DCC: variants seen among roughly 807,000 people sequenced by gnomAD.
DCC encodes the protein netrin receptor DCC.
DCC carries 58 observed loss-of-function variants against 172.5 expected under a neutral mutation model. That is an observed-to-expected ratio of 0.34 (90% CI 0.27 to 0.42). DCC has a LOEUF of 0.42. Among genes scored for constraint, DCC ranks in the 10% least tolerant of loss-of-function variants. The probability of loss-of-function intolerance (pLI) is 1.00; values close to 1 mark genes in which losing one functional copy is unlikely to be tolerated. For missense variants in DCC, 1,740 were observed against 1,791.0 expected (o/e 0.97, Z 0.51); for synonymous variants, 709 against 644.5 (o/e 1.10, Z -1.52).
chr18:52,867,589 C>G (rs1410807181), intron 2 of DCC, among the ~76,000 whole-genome samples: 1 of 151,754 alleles, frequency 6.6e-6, no homozygotes, highest in East Asian at 1.9e-4. Flanking sequence ...AGTGATTTGA[C>G]TTTTTCCTGG....
intron 1 of DCC, among the ~76,000 whole-genome samples, chr18:52,503,402 T>C (rs1032483039): frequency 3.3e-5 from 5 of 152,158 alleles, no homozygotes; most frequent in Non-Finnish European, 5.9e-5. Context: ...AAGTAGTCTA[T>C]TTGTTGTGCT....
intron 7 of DCC, among the ~76,000 whole-genome samples, chr18:53,156,266 C>A (rs1157774043): frequency 6.6e-6 from 1 of 152,224 alleles, no homozygotes; most frequent in African/African-American, 2.4e-5. Flanking sequence ...GGGTGGATCA[C>A]TTGAGGTCAG....
At chr18:53,358,611 T>G (rs4940254) in intron 15 of DCC, among the ~76,000 whole-genome samples, 1 of 148,286 alleles carries the variant, frequency 6.7e-6, no homozygotes, top group Non-Finnish European at 1.5e-5. Flanking sequence ...ACCTCTGCCT[T>G]CCAGGTTCAA....
intron 18 of DCC, among the ~76,000 whole-genome samples, chr18:53,401,117 G>C (rs1266243144): frequency 6.6e-6 from 1 of 152,034 alleles, no homozygotes. Context: ...TGTCTTTTTA[G>C]TATTTTGCCA....
At chr18:52,922,006 T>C (rs1190061250) in intron 3 of DCC, among the ~76,000 whole-genome samples, 1 of 152,100 alleles carries the variant, frequency 6.6e-6, no homozygotes, top group Non-Finnish European at 1.5e-5. Context: ...TCAGGAAATT[T>C]ATTATTAAGC....
At chr18:52,488,224 T>C (rs1042215639) in intron 1 of DCC, among the ~76,000 whole-genome samples, 3 of 152,208 alleles carry the variant, frequency 2.0e-5, no homozygotes, top group Admixed American at 6.5e-5. Context: ...TGATTAGCTA[T>C]GTTTCTTAAA....
intron 5 of DCC, among the ~76,000 whole-genome samples, chr18:52,999,912 A>C (rs2041538070): frequency 6.6e-6 from 1 of 152,048 alleles, no homozygotes; most frequent in South Asian, 2.1e-4. Context: ...TAGGCCTTTA[A>C]TACTGGTGTC....
At chr18:52,801,357 A>G (rs1046697507) in intron 2 of DCC, among the ~76,000 whole-genome samples, 5 of 152,212 alleles carry the variant, frequency 3.3e-5, no homozygotes, top group Admixed American at 2.6e-4. Flanking sequence ...GGAGGACTTA[A>G]TTGTAACAAA....
intron 5 of DCC, among the ~76,000 whole-genome samples, chr18:52,944,317 A>C (rs772746975): frequency 2.6e-5 from 4 of 152,180 alleles, no homozygotes; most frequent in Admixed American, 6.5e-5. Flanking sequence ...CTTTGTAGGA[A>C]ATGATACTTC....
chr18:52,820,095 C>T (rs1052297458), intron 2 of DCC, among the ~76,000 whole-genome samples: 2 of 152,106 alleles, frequency 1.3e-5, no homozygotes, highest in Non-Finnish European at 2.9e-5. Flanking sequence ...CCTGTGGACA[C>T]ATTTGGTTTC....
At chr18:53,168,971 A>C (rs2054968913) in intron 8 of DCC, among the ~76,000 whole-genome samples, 1 of 152,318 alleles carries the variant, frequency 6.6e-6, no homozygotes, top group Non-Finnish European at 1.5e-5. Context: ...AATAGATGAT[A>C]GCAAAAATTG....
At chr18:53,113,934 ATATT>A (rs2043373575) in intron 7 of DCC, among the ~76,000 whole-genome samples, 1 of 151,396 alleles carries the variant, frequency 6.6e-6, no homozygotes, top group South Asian at 2.1e-4. Flanking sequence ...TATTAGAGTC[ATATT>A]TATTCTATTG....
At chr18:52,501,504 A>T (rs2031017779) in intron 1 of DCC, among the ~76,000 whole-genome samples, 1 of 152,156 alleles carries the variant, frequency 6.6e-6, no homozygotes, top group Non-Finnish European at 1.5e-5. Flanking sequence ...ATCAAGTTTC[A>T]GTCTTCCTGA....
intron 13 of DCC, 27 bp from the exon 14 acceptor site, chr18:53,322,020 T>C (rs754304915): frequency 1.5e-6 from 2 of 1,291,014 alleles, no homozygotes; most frequent in Non-Finnish European, 2.3e-6. Context: ...GTAACTTTCT[T>C]CCCCCCTGTG....
At chr18:53,288,628 C>T (rs1205533787) in intron 12 of DCC, among the ~76,000 whole-genome samples, 4 of 152,172 alleles carry the variant, frequency 2.6e-5, no homozygotes, top group African/African-American at 7.2e-5. Flanking sequence ...TTATAGCCAA[C>T]TACAGGTGCT....
rs149799990 is a variant in DCC at position 52,854,401 on chromosome 18, A to G, written c.413-51643A>G. ...TGGGGAAGATGGAGATAGAGGAATT[A>G]ATATTTCTCAGGTTTATGAAAAATT... is the stretch of plus-strand genomic sequence containing the variant. On this transcript the variant is annotated intron_variant, in intron 2 of 28. Coordinates refer to ENST00000442544, the MANE Select transcript of DCC (RefSeq NM_005215.4). 2.1e-3 allele frequency among the ~76,000 whole-genome samples: 317 copies of G among 152,302 alleles called. 1 individual carries two copies. In the South Asian group the frequency reaches 0.021, roughly 10 times the overall value.
intron 1 of DCC, among the ~76,000 whole-genome samples, chr18:52,400,798 A>T (rs545808234): frequency 6.6e-6 from 1 of 152,182 alleles, no homozygotes; most frequent in East Asian, 1.9e-4. Flanking sequence ...TTGCAGGGAC[A>T]TGGATGAAGC....
Position 53,034,628 on chromosome 18 carries a change from A to G in DCC, c.986-28677A>G, listed in dbSNP as rs1002766370. ...CTTATTTTTATCCCTGTTCTTCTAC[A>G]TTCTGTCCTTGACACAAGCAACCAG... On this transcript the variant is annotated intron_variant, in intron 5 of 28. Transcript: ENST00000442544. Among the ~76,000 whole-genome samples the G allele has an allele frequency of 8.6e-4, 130 of 151,674 alleles. 1 individual carries two copies. The highest frequency in any genetic ancestry group is 8.5e-3 in the Admixed American group (130 of 15,212).
intron 1 of DCC, among the ~76,000 whole-genome samples, chr18:52,710,406 T>C (rs2036275405): frequency 6.6e-6 from 1 of 152,180 alleles, no homozygotes; most frequent in Non-Finnish European, 1.5e-5. Context: ...AATATATGAA[T>C]GATGTAATGT....
Sources: allele counts gnomAD v4.1 joint callset (sites outside exome capture counted in the v4.1 genomes callset), GRCh38; gene constraint gnomAD v4.1.1; transcripts MANE v1.5; gene names NCBI Gene and HGNC (gene_info 2026-07-23, HGNC 2026-07-21).